The following PHF20 variants were observed in gnomAD, a reference collection of about 807,000 sequenced individuals.
PHF20 encodes glioma-expressed antigen 2.
A neutral mutation model predicts 113.5 loss-of-function variants in PHF20; 23 were observed. The observed-to-expected ratio is 0.20, with a 90% CI of 0.15 to 0.29. The LOEUF (loss-of-function observed/expected upper bound fraction) is 0.29, where lower values mean the gene tolerates loss of function less well. Among genes scored for constraint, PHF20 ranks in the 10% least tolerant of loss-of-function variants. PHF20 has a pLI of 1.00. For missense variants in PHF20, 943 were observed against 1,219.6 expected, an observed-to-expected ratio of 0.77 and a Z score of 3.38; for synonymous variants, 434 against 457.3, an observed-to-expected ratio of 0.95 and a Z score of 0.65.
intron 9 of PHF20, among the ~76,000 whole-genome samples, chr20:35,898,246 A>G (rs1361228105): frequency 6.6e-6 from 1 of 152,204 alleles, no homozygotes; most frequent in Non-Finnish European, 1.5e-5. Flanking sequence ...AAGACTCAAT[A>G]CTAAAACCTT....
chr20:35,847,536 C>T, intron 4 of PHF20, 102 bp downstream of exon 4: 1 of 728,624 alleles, frequency 1.4e-6, no homozygotes, highest in Non-Finnish European at 2.4e-6. Flanking sequence ...TATTTATTTA[C>T]TGCCTAGGTA....
intron 15 of PHF20, among the ~76,000 whole-genome samples, chr20:35,938,326 G>C (rs753013122): frequency 2.6e-5 from 4 of 152,164 alleles, no homozygotes; most frequent in African/African-American, 4.8e-5. Flanking sequence ...ATTCAGGTTG[G>C]TTGAGGGGCT....
chr20:35,793,118 C>T (rs1385239880), intron 1 of PHF20, among the ~76,000 whole-genome samples: 5 of 152,116 alleles, frequency 3.3e-5, no homozygotes, highest in African/African-American at 7.2e-5. Flanking sequence ...CTTGGGACAG[C>T]AGCATGGGCT....
intron 14 of PHF20, 131 bp from the exon 15 acceptor site, chr20:35,931,118 A>G (rs2055743886): frequency 1.5e-6 from 1 of 651,978 alleles, no homozygotes; most frequent in Non-Finnish European, 2.6e-6. Flanking sequence ...TGTACACTGG[A>G]TGAATAAATG....
intron 15 of PHF20, among the ~76,000 whole-genome samples, chr20:35,933,546 G>A (rs2147118426): frequency 6.6e-6 from 1 of 152,148 alleles, no homozygotes; most frequent in South Asian, 2.1e-4. Context: ...ACAGGCGCCT[G>A]CCACCACGCC....
At chr20:35,778,753 C>CAA (rs199913263) in intron 1 of PHF20, among the ~76,000 whole-genome samples, 61 of 108,848 alleles carry the variant, frequency 5.6e-4, no homozygotes, top group East Asian at 3.8e-3. Context: ...AACTGTGTCT[C>CAA]AAAAAAAAAA....
intron 2 of PHF20, among the ~76,000 whole-genome samples, chr20:35,802,174 A>T (rs1285011569): frequency 6.6e-6 from 1 of 152,060 alleles, no homozygotes; most frequent in Non-Finnish European, 1.5e-5. Context: ...AAATGTGGGT[A>T]TTGGTAATAT....
chr20:35,806,985 C>T (rs956524669), intron 2 of PHF20, among the ~76,000 whole-genome samples: 1 of 151,682 alleles, frequency 6.6e-6, no homozygotes, highest in Admixed American at 6.6e-5. Context: ...TTAGCAGAGA[C>T]GGAGTTTCAC....
At chr20:35,819,021 C>T (rs760260876) in intron 2 of PHF20, among the ~76,000 whole-genome samples, 4 of 151,960 alleles carry the variant, frequency 2.6e-5, no homozygotes, top group Non-Finnish European at 5.9e-5. Flanking sequence ...GCCTCCATCT[C>T]CTGGGTTCCA....
intron 16 of PHF20, among the ~76,000 whole-genome samples, 168 bp downstream of exon 16, chr20:35,939,276 C>T (rs1436108773): frequency 6.6e-6 from 1 of 152,014 alleles, no homozygotes; most frequent in Non-Finnish European, 1.5e-5. Context: ...CAGGAGAGCC[C>T]ACTTAAGCCA....
Position 35,793,995 on chromosome 20 carries a change from C to CAAAAAAA in PHF20, c.-32-7480_-32-7474dup, listed in dbSNP as rs56189104. Among the ~76,000 whole-genome samples the CAAAAAAA allele has an allele frequency of 4.1e-4, 14 of 33,838 alleles. 3 individuals carry two copies. The highest frequency in any genetic ancestry group is 1.6e-3 in the African/African-American group (13 of 7,880). The allele number at this position is 33,838 out of a possible 152,430, so 22.2% of individuals were successfully genotyped here. A position where few individuals can be genotyped will look rare whatever the true frequency, so the allele number is the denominator to read the frequency against. On this transcript the variant is annotated intron_variant, in intron 1 of 17. Transcript: ENST00000374012. ...GGGCGACAAGAGCGGGACTCTGTCT[C>CAAAAAAA]AAAAAAAAAAAAAAAAAAAAAAGGC...
At chr20:35,784,833 T>G (rs898349380) in intron 1 of PHF20, among the ~76,000 whole-genome samples, 3 of 152,040 alleles carry the variant, frequency 2.0e-5, no homozygotes, top group African/African-American at 7.2e-5. Flanking sequence ...GGCAGATCAC[T>G]TGAGCTGAGG....
Position 35,931,328 on chromosome 20 carries a change from A to G in PHF20, c.2184A>G (p.Glu728=). Residue 728 remains glutamate, a synonymous_variant, in exon 15 of 18, where the codon GAA becomes GAG. Transcript: ENST00000374012. ...ATATGCATGGCCTGGCATTTCTAGA[A>G]GAGAACTACTCCCATCAGAATGCCA... The part of the protein sequence containing the change: ...RGHMHGLAFL[E]ENYSHQNAKK... 3 of 1,614,058 alleles carry G rather than the reference A, an allele frequency of 1.9e-6. No individual in the cohort carries two copies. Among genetic ancestry groups the G allele is most frequent in the Non-Finnish European group, 2.5e-6 (3 of 1,179,972 alleles).
chr20:35,776,475 C>T (rs939433625), intron 1 of PHF20, among the ~76,000 whole-genome samples: 2 of 152,214 alleles, frequency 1.3e-5, no homozygotes, highest in Non-Finnish European at 2.9e-5. Context: ...TTTGTACCCA[C>T]ATGTCTAATC....
chr20:35,924,996 A>G (rs2055598930), intron 13 of PHF20, among the ~76,000 whole-genome samples: 1 of 152,178 alleles, frequency 6.6e-6, no homozygotes, highest in Non-Finnish European at 1.5e-5. Flanking sequence ...TACTAATACC[A>G]TACCTCACTG....
At chr20:35,870,575 T>C (rs534602446) in intron 7 of PHF20, among the ~76,000 whole-genome samples, 73 of 148,170 alleles carry the variant, frequency 4.9e-4, no homozygotes, top group African/African-American at 1.6e-3. Flanking sequence ...AAATTTAAAA[T>C]AAAATAGTAT....
At chr20:35,792,010 GCTT>G (rs1277047878) in intron 1 of PHF20, among the ~76,000 whole-genome samples, 3 of 152,156 alleles carry the variant, frequency 2.0e-5, no homozygotes, top group African/African-American at 7.2e-5. Flanking sequence ...CCTTTCCACT[GCTT>G]CTGGGAAAAT....
chr20:35,811,948 T>A (rs2041985945), intron 2 of PHF20, among the ~76,000 whole-genome samples: 1 of 147,112 alleles, frequency 6.8e-6, no homozygotes, highest in Admixed American at 6.8e-5. Flanking sequence ...TTTTTTTGTA[T>A]TTTTTTAATA....
intron 1 of PHF20, among the ~76,000 whole-genome samples, chr20:35,784,318 C>T (rs1463129962): frequency 1.3e-5 from 2 of 151,730 alleles, no homozygotes; most frequent in African/African-American, 4.8e-5. Context: ...TCCCAAAATG[C>T]TGGGATTACA....
Sources: allele counts gnomAD v4.1 joint callset (sites outside exome capture counted in the v4.1 genomes callset), GRCh38; gene constraint gnomAD v4.1.1; transcripts MANE v1.5; gene names NCBI Gene and HGNC (gene_info 2026-07-23, HGNC 2026-07-21).